The following PCYOX1 variants were observed in gnomAD, a reference collection of about 807,000 sequenced individuals.
PCYOX1 encodes prenylcysteine lyase.
PCYOX1 carries 46 observed loss-of-function variants against 46.4 expected under a neutral mutation model. The ratio of observed to expected loss-of-function variants is 0.99; its 90% CI spans 0.78 to 1.27. PCYOX1 has a LOEUF of 1.27. Among genes scored for constraint, PCYOX1 ranks in the 50% most tolerant of loss-of-function variants. The pLI is 0.00. For synonymous variants in PCYOX1, 220 were observed against 231.8 expected, an observed-to-expected ratio of 0.95 and a Z score of 0.46; for missense variants, 658 against 628.3, an observed-to-expected ratio of 1.05 and a Z score of -0.51.
chr2:70,261,366 C>A lies in PCYOX1; in HGVS notation c.474C>A (p.Asp158Glu). ...QSLRMHMWVE[D>E]VLDKFMRIYR... is the part of the protein sequence containing the mutation. ...TCCGTATGCACATGTGGGTAGAGGA[C>A]GTGTTAGACAAGTTCATGAGGTAAT... Residue 158 changes from aspartate to glutamate, a missense_variant, in exon 3 of 6, where the codon GAC (aspartate) becomes GAA (glutamate). Transcript: ENST00000433351. 1 of 1,610,994 alleles carries A rather than the reference C, an allele frequency of 6.2e-7. No homozygotes were observed. Among genetic ancestry groups the A allele is most frequent in the Non-Finnish European group, 8.5e-7 (1 of 1,177,746 alleles).
At chr2:70,259,913 T>G (rs566587511) in intron 2 of PCYOX1, among the ~76,000 whole-genome samples, 1 of 152,246 alleles carries the variant, frequency 6.6e-6, no homozygotes, top group Admixed American at 6.5e-5. Flanking sequence ...CCTCCCGGGT[T>G]CAAGCGATTC....
intron 5 of PCYOX1, among the ~76,000 whole-genome samples, 160 bp downstream of exon 5, chr2:70,275,826 C>T (rs562003122): frequency 2.0e-5 from 3 of 152,192 alleles, no homozygotes; most frequent in East Asian, 3.9e-4. Context: ...GGGCCAGGCA[C>T]GGTGGCTCAT....
intron 3 of PCYOX1, among the ~76,000 whole-genome samples, chr2:70,266,882 A>C (rs953153718): frequency 6.6e-6 from 1 of 152,190 alleles, no homozygotes; most frequent in Non-Finnish European, 1.5e-5. Flanking sequence ...CAGACACAGT[A>C]ACAATCCGAT....
In PCYOX1 at chr2:70,277,227, T is replaced by C. The variant is rs1266591370; in HGVS notation, c.1353T>C (p.His451=). The change falls in exon 6 of 6, where the codon CAT becomes CAC. Residue 451 remains histidine, a synonymous_variant. Transcript: ENST00000433351. Reference sequence around the variant, plus strand: ...AGAAATGCCCCTCTATCATTCTCCATGATCGACTTTATTACCTCAATGGCA... The same window carrying C: ...AGAAATGCCCCTCTATCATTCTCCACGATCGACTTTATTACCTCAATGGCA... ...PPEKCPSIIL[H]DRLYYLNGIE... is the part of the protein sequence containing the mutation. The C allele has an allele frequency of 6.2e-7, 1 of 1,614,146 alleles. No homozygotes were observed. Among genetic ancestry groups the C allele is most frequent in the Admixed American group, 1.7e-5 (1 of 60,024 alleles).
chr2:70,269,694 C>G (rs1045350250), intron 3 of PCYOX1, among the ~76,000 whole-genome samples: 1 of 152,094 alleles, frequency 6.6e-6, no homozygotes, highest in Non-Finnish European at 1.5e-5. Flanking sequence ...TCATAGCCTC[C>G]GGCATCTGTG....
chr2:70,275,817 G>A, intron 5 of PCYOX1, 151 bp downstream of exon 5: 2 of 794,938 alleles, frequency 2.5e-6, no homozygotes, highest in Non-Finnish European at 3.9e-6. Flanking sequence ...TTCCCCAATG[G>A]GCCAGGCACG....
Position 70,275,163 on chromosome 2 carries a change from C to T in PCYOX1, c.699C>T (p.Ala233=). 1.2e-6 allele frequency: 2 copies of T among 1,612,254 alleles called. No individual in the cohort carries two copies. Among genetic ancestry groups the T allele is most frequent in the South Asian group, 1.1e-5 (1 of 91,036 alleles). Residue 233 remains alanine (A), a synonymous_variant, in exon 4 of 6, where the codon GCC becomes GCT. Transcript: ENST00000433351. ...VNYGQSTDIN[A]FVGAVSLSCS... The stretch of plus-strand genomic sequence containing the variant: ...ATGGCCAAAGCACGGACATCAATGC[C>T]TTTGTGGGTAAGCCAGGGCTTGAAA...
chr2:70,277,256 A>T lies in PCYOX1; in HGVS notation c.1382A>T (p.Glu461Val), dbSNP rs556708657. ...CGACTTTATTACCTCAATGGCATAGAGTGTGCAGCAAGTGCCATGGAGATG... is the reference window on the plus strand; with the variant it reads ...CGACTTTATTACCTCAATGGCATAGTGTGTGCAGCAAGTGCCATGGAGATG... ...HDRLYYLNGI[E>V]CAASAMEMSA... The change falls in exon 6 of 6, where the codon GAG becomes GTG. Residue 461 changes from glutamate (E) to valine (V), a missense_variant. Glu to Val is a moderately radical substitution (Grantham distance 121). Transcript: ENST00000433351. 42 of 1,614,162 alleles carry T rather than the reference A, an allele frequency of 2.6e-5. No homozygotes were observed. The African/African-American group carries it at 2.7e-4, about 10-fold the overall frequency.
At position 70,277,649 on chromosome 2, in the gene PCYOX1, A is replaced by G. The variant is rs770450408; in HGVS notation, c.*257A>G. 1.1e-5 allele frequency: 4 copies of G among 352,614 alleles called. No individual in the cohort carries two copies. The highest frequency in any genetic ancestry group is 1.0e-5 in the Non-Finnish European group (2 of 194,144). 21.8% of individuals were successfully genotyped at this position (352,614 alleles called of 1,614,324 possible). The stretch of plus-strand genomic sequence containing the variant: ...GAGTTTTTCTTAAACTTGTCTGATA[A>G]TAAGAATCACCTGGAGTTAGGAGGT... On this transcript the variant is annotated 3_prime_UTR_variant, in exon 6 of 6. Coordinates refer to ENST00000433351, the MANE Select transcript of PCYOX1 (RefSeq NM_016297.4).
chr2:70,262,451 C>G (rs1573977378), intron 3 of PCYOX1, among the ~76,000 whole-genome samples: 2 of 150,362 alleles, frequency 1.3e-5, no homozygotes, highest in African/African-American at 2.4e-5. Flanking sequence ...CAGGTGTGAG[C>G]TACCGAGCTT....
rs2104902977 is a variant in PCYOX1 at position 70,278,876 on chromosome 2, A to C, written c.*1484A>C. The C allele has an allele frequency of 6.6e-6, 1 of 152,188 alleles. No homozygotes were observed. The highest frequency in any genetic ancestry group is 1.9e-4 in the East Asian group (1 of 5,200). 9.4% of individuals were successfully genotyped at this position (152,188 alleles called of 1,614,324 possible). A position where few individuals can be genotyped will look rare whatever the true frequency, so the allele number is the denominator to read the frequency against. On this transcript the variant is annotated 3_prime_UTR_variant, in exon 6 of 6. Coordinates refer to ENST00000433351, the MANE Select transcript of PCYOX1 (RefSeq NM_016297.4). ...AACCAATTTAACATGTAGTGTTATT[A>C]AAAAATTACAAAGGCCTAGACCAGC...
intron 3 of PCYOX1, among the ~76,000 whole-genome samples, chr2:70,264,882 G>A (rs1385951514): frequency 2.0e-5 from 3 of 151,854 alleles, no homozygotes; most frequent in East Asian, 2.0e-4. Flanking sequence ...GTGTGGAGGC[G>A]CAGCTAATGC....
rs200403322 is a variant in PCYOX1 at position 70,276,830 on chromosome 2, G to A, written c.956G>A (p.Arg319Gln). The change falls in exon 6 of 6, where the codon CGA becomes CAA. Residue 319 changes from arginine to glutamine, a missense_variant. Arg to Gln is a conservative substitution (Grantham distance 43). Transcript: ENST00000433351. ...DIVLVATPLN[R>Q]KMSNITFLNF... ...GTCTTGGTGGCCACTCCGTTGAATC[G>A]AAAAATGTCGAATATTACTTTTCTC... is the stretch of plus-strand genomic sequence containing the variant. 2.9e-5 allele frequency: 46 copies of A among 1,613,334 alleles called. No individual in the cohort carries two copies. Among genetic ancestry groups the A allele is most frequent in the Admixed American group, 1.8e-4 (11 of 60,000 alleles).
Position 70,276,878 on chromosome 2 carries a change from A to T in PCYOX1, c.1004A>T (p.Glu335Val). 1 of 1,613,658 alleles carries T rather than the reference A, an allele frequency of 6.2e-7. No individual in the cohort carries two copies. The highest frequency in any genetic ancestry group is 1.3e-5 in the African/African-American group (1 of 75,054). ...CTCAACTTTGATCCTCCAATTGAGG[A>T]ATTCCATCAATATTATCAACATATA... is the stretch of plus-strand genomic sequence containing the variant. ...TFLNFDPPIEEFHQYYQHIVT... is the reference protein window; with the variant it reads ...TFLNFDPPIEVFHQYYQHIVT... Residue 335 changes from glutamate (E) to valine (V), a missense_variant, in exon 6 of 6, where the codon GAA becomes GTA. Glu to Val is a moderately radical substitution (Grantham distance 121). Coordinates refer to ENST00000433351, the MANE Select transcript of PCYOX1 (RefSeq NM_016297.4).
In PCYOX1 at chr2:70,275,002, G is replaced by A. The variant is rs778675414; in HGVS notation, c.538G>A (p.Glu180Lys). The A allele has an allele frequency of 1.9e-5, 30 of 1,613,324 alleles. No homozygotes were observed. The highest frequency in any genetic ancestry group is 2.3e-5 in the Non-Finnish European group (27 of 1,179,384). ...TCATGACTATGCCTTCAGTAGTGTC[G>A]AAAAATTACTTCATGCTCTAGGAGG... Reference protein sequence around the residue: ...QSHDYAFSSVEKLLHALGGDD... With the variant: ...QSHDYAFSSVKKLLHALGGDD... The change falls in exon 4 of 6, where the codon GAA becomes AAA. Residue 180 changes from glutamate (E) to lysine (K), a missense_variant. By Grantham distance (56) the Glu-to-Lys change is moderately conservative. Coordinates refer to ENST00000433351, the MANE Select transcript of PCYOX1 (RefSeq NM_016297.4).
intron 5 of PCYOX1, among the ~76,000 whole-genome samples, chr2:70,276,271 G>A (rs1010990577): frequency 6.6e-6 from 1 of 151,402 alleles, no homozygotes; most frequent in Non-Finnish European, 1.5e-5. Flanking sequence ...CCGGGTTCAC[G>A]CCATTCTCCT....
rs1696751658 is a variant in PCYOX1 at position 70,280,197 on chromosome 2, C to A, written c.*2805C>A. The A allele has an allele frequency of 6.6e-6, 1 of 152,172 alleles. No homozygotes were observed. The highest frequency in any genetic ancestry group is 2.1e-4 in the South Asian group (1 of 4,828). The allele number at this position is 152,172 out of a possible 1,614,324, so 9.4% of individuals were successfully genotyped here. ...AAAGCAAAACAGGTTATCAATACAC[C>A]AAGGACATCAAGTAGTTTTAATGCA... On this transcript the variant is annotated 3_prime_UTR_variant, in exon 6 of 6. Transcript: ENST00000433351.
chr2:70,272,009 A>C (rs1696606306), intron 3 of PCYOX1, among the ~76,000 whole-genome samples: 1 of 152,232 alleles, frequency 6.6e-6, no homozygotes, highest in Non-Finnish European at 1.5e-5. Flanking sequence ...TTTGTCAACA[A>C]ATGATTGATG....
chr2:70,278,523 C>G lies in PCYOX1; in HGVS notation c.*1131C>G, dbSNP rs1266708696. 1 of 152,302 alleles carries G rather than the reference C, an allele frequency of 6.6e-6. No individual in the cohort carries two copies. The highest frequency in any genetic ancestry group is 1.9e-4 in the East Asian group (1 of 5,204). The allele number at this position is 152,302 out of a possible 1,614,324, so 9.4% of individuals were successfully genotyped here. ...ACAGACAGCCTAACAGCAGAGGCAA[C>G]TTAAATAACTCCTGAGCAGTTGGCA... is the stretch of plus-strand genomic sequence containing the variant. On this transcript the variant is annotated 3_prime_UTR_variant, in exon 6 of 6. Coordinates refer to ENST00000433351, the MANE Select transcript of PCYOX1 (RefSeq NM_016297.4).
Sources: allele counts gnomAD v4.1 joint callset (sites outside exome capture counted in the v4.1 genomes callset), GRCh38; gene constraint gnomAD v4.1.1; transcripts MANE v1.5; gene names NCBI Gene and HGNC (gene_info 2026-07-23, HGNC 2026-07-21).